DNAJC5G: variants seen among roughly 807,000 people sequenced by gnomAD.
DNAJC5G encodes the protein dnaJ homolog subfamily C member 5G.
In DNAJC5G, 13 loss-of-function variants were observed where a neutral mutation model predicts 19.1. The ratio of observed to expected loss-of-function variants is 0.68; its 90% CI spans 0.44 to 1.08. DNAJC5G has a LOEUF of 1.08. Among genes scored for constraint, DNAJC5G ranks in the 50% least tolerant of loss-of-function variants. The pLI is 0.00. For missense variants in DNAJC5G, 245 were observed against 230.4 expected, an observed-to-expected ratio of 1.06 and a Z score of -0.41; for synonymous variants, 81 against 84.4, an observed-to-expected ratio of 0.96 and a Z score of 0.22.
In DNAJC5G at chr2:27,280,221, G is replaced by A. The variant is rs1678309937; in HGVS notation, c.*6G>A. 2 of 1,613,980 alleles carry A rather than the reference G, an allele frequency of 1.2e-6. No individual in the cohort carries two copies. Among genetic ancestry groups the A allele is most frequent in the Non-Finnish European group, 1.7e-6 (2 of 1,179,932 alleles). Reference sequence around the variant, plus strand: ...ATAGCGAAGATGATTTTTAAGAGATGAAGAAGGATGAGGTATGTAAACCGA... The same window carrying A: ...ATAGCGAAGATGATTTTTAAGAGATAAAGAAGGATGAGGTATGTAAACCGA... On this transcript the variant is annotated 3_prime_UTR_variant, in exon 6 of 7. Coordinates refer to ENST00000296097, the MANE Select transcript of DNAJC5G (RefSeq NM_173650.3).
At chr2:27,280,287 A>G (rs1380985106) in intron 6 of DNAJC5G, 54 bp downstream of exon 6, 1 of 1,446,698 alleles carries the variant, frequency 6.9e-7, no homozygotes, top group African/African-American at 1.4e-5. Flanking sequence ...CATGTAAGCT[A>G]ACGTCAGATG....
rs1055916807 is a variant in DNAJC5G at position 27,277,356 on chromosome 2, G to A, written c.114-398G>A. Among the ~76,000 whole-genome samples, 33 of 151,922 alleles carry A rather than the reference G, an allele frequency of 2.2e-4. 1 individual carries two copies. Among genetic ancestry groups the A allele is most frequent in the East Asian group, 1.9e-4 (1 of 5,186 alleles). On this transcript the variant is annotated intron_variant, in intron 3 of 6. Coordinates refer to ENST00000296097, the MANE Select transcript of DNAJC5G (RefSeq NM_173650.3). Reference sequence around the variant, plus strand: ...CGGCTCACTGCAACCTCCACCTTCCGGGTTGAAGTGATTCTCCTGCCTCAG... The same window carrying A: ...CGGCTCACTGCAACCTCCACCTTCCAGGTTGAAGTGATTCTCCTGCCTCAG...
intron 3 of DNAJC5G, 81 bp downstream of exon 3, chr2:27,276,922 T>TA: frequency 3.7e-5 from 24 of 641,630 alleles, no homozygotes; most frequent in Non-Finnish European, 5.4e-5. Context: ...GCTATCTGAC[T>TA]CTTTTTTTTT....
At chr2:27,276,702 G>C in intron 2 of DNAJC5G, 24 bp from the exon 3 acceptor site, 1 of 1,606,788 alleles carries the variant, frequency 6.2e-7, no homozygotes, top group Non-Finnish European at 8.5e-7. Context: ...AGTTCTCACA[G>C]ATGCTGCTTC....
chr2:27,277,527 G>T (rs539855122), intron 3 of DNAJC5G, among the ~76,000 whole-genome samples: 1 of 152,152 alleles, frequency 6.6e-6, no homozygotes, highest in Non-Finnish European at 1.5e-5. Flanking sequence ...CTCCCAAAGC[G>T]CTGGGATTAC....
chr2:27,278,034 C>A lies in DNAJC5G; in HGVS notation c.375+19C>A. On this transcript the variant is annotated intron_variant, in intron 4 of 6. Coordinates refer to ENST00000296097, the MANE Select transcript of DNAJC5G (RefSeq NM_173650.3). ...GTTCAAGGTACACAATTCTCCAGGTCCTTTAAGAATAAGGAAAGAAGGGTG... is the reference window on the plus strand; with the variant it reads ...GTTCAAGGTACACAATTCTCCAGGTACTTTAAGAATAAGGAAAGAAGGGTG... 6.2e-7 allele frequency: 1 copy of A among 1,611,434 alleles called. No individual in the cohort carries two copies. Among genetic ancestry groups the A allele is most frequent in the South Asian group, 1.1e-5 (1 of 90,762 alleles).
chr2:27,281,087 T>C lies in DNAJC5G; in HGVS notation c.*677T>C, dbSNP rs924551735. On this transcript the variant is annotated 3_prime_UTR_variant, in exon 7 of 7. Coordinates refer to ENST00000296097, the MANE Select transcript of DNAJC5G (RefSeq NM_173650.3). ...TAGTCATTCCATCTTTAGATTATCC[T>C]TGGACTTCAGCTACCAGCACAGCAT... The C allele has an allele frequency of 5.3e-5, 8 of 152,374 alleles. No individual in the cohort carries two copies. The highest frequency in any genetic ancestry group is 1.9e-4 in the African/African-American group (8 of 41,462). The allele number at this position is 152,374 out of a possible 1,614,324, so 9.4% of individuals were successfully genotyped here.
chr2:27,277,528 C>T (rs1369245942), intron 3 of DNAJC5G, among the ~76,000 whole-genome samples: 2 of 152,214 alleles, frequency 1.3e-5, no homozygotes, highest in Non-Finnish European at 2.9e-5. Flanking sequence ...TCCCAAAGCG[C>T]TGGGATTACA....
intron 4 of DNAJC5G, 53 bp downstream of exon 4, chr2:27,278,068 T>C: frequency 6.2e-7 from 1 of 1,608,234 alleles, no homozygotes; most frequent in Non-Finnish European, 8.5e-7. Flanking sequence ...TGACCTTCCT[T>C]TCCTTATGAC....
chr2:27,279,104 A>G (rs1040680792), intron 5 of DNAJC5G, among the ~76,000 whole-genome samples: 2 of 152,146 alleles, frequency 1.3e-5, no homozygotes, highest in Non-Finnish European at 2.9e-5. Context: ...CAAGTCTTCA[A>G]GTCTGGCACT....
In DNAJC5G at chr2:27,277,854, G is replaced by A. The variant is rs1678180819; in HGVS notation, c.214G>A (p.Ala72Thr). The change falls in exon 4 of 7, where the codon GCA becomes ACA. Residue 72 changes from alanine to threonine, a missense_variant. By Grantham distance (58) the Ala-to-Thr change is moderately conservative (BLOSUM62 0). Transcript: ENST00000296097. ...PDKNPGNAQAAEIFKEINAAH... is the reference protein window; with the variant it reads ...PDKNPGNAQATEIFKEINAAH... ...CAAGAATCCAGGGAATGCTCAAGCA[G>A]CAGAAATATTCAAAGAGATCAACGC... The A allele has an allele frequency of 1.2e-6, 2 of 1,614,042 alleles. No individual in the cohort carries two copies. The highest frequency in any genetic ancestry group is 1.7e-6 in the Non-Finnish European group (2 of 1,180,048).
Position 27,277,659 on chromosome 2 carries a change from A to T in DNAJC5G, c.114-95A>T, listed in dbSNP as rs1345932611. Reference sequence around the variant, plus strand: ...GTATGGGAAGGAGTTTAGACCTTGGATGCTTGCCTCCATCCTTTGTACCAC... The same window carrying T: ...GTATGGGAAGGAGTTTAGACCTTGGTTGCTTGCCTCCATCCTTTGTACCAC... On this transcript the variant is annotated intron_variant, in intron 3 of 6. Transcript: ENST00000296097. 4 of 1,494,864 alleles carry T rather than the reference A, an allele frequency of 2.7e-6. No individual in the cohort carries two copies. In the Admixed American group the frequency reaches 7.1e-5, roughly 27 times the overall value. 92.6% of individuals were successfully genotyped at this position (1,494,864 alleles called of 1,614,324 possible).
chr2:27,276,141 C>G lies in DNAJC5G; in HGVS notation c.-250C>G, dbSNP rs1452430374. Reference sequence around the variant, plus strand: ...GGGCGTGGTGGCGTGCACCTGTAATCTCAGCTACTCGGGAGGCTGAGGCAG... The same window carrying G: ...GGGCGTGGTGGCGTGCACCTGTAATGTCAGCTACTCGGGAGGCTGAGGCAG... On this transcript the variant is annotated 5_prime_UTR_variant, in exon 2 of 7. In the 5' UTR this introduces an upstream ATG that the reference lacks. Coordinates refer to ENST00000296097, the MANE Select transcript of DNAJC5G (RefSeq NM_173650.3). 1.3e-5 allele frequency: 2 copies of G among 152,218 alleles called. No homozygotes were observed. The highest frequency in any genetic ancestry group is 2.9e-5 in the Non-Finnish European group (2 of 68,216). The allele number at this position is 152,218 out of a possible 1,614,324, so 9.4% of individuals were successfully genotyped here. A position where few individuals can be genotyped will look rare whatever the true frequency, so the allele number is the denominator to read the frequency against.
chr2:27,277,913 G>T lies in DNAJC5G; in HGVS notation c.273G>T (p.Arg91=). ...CCATACTGAGCGACTCTAAGAAGCGGAAAATTTACGACCAGCATGGCTCAT... is the reference window on the plus strand; with the variant it reads ...CCATACTGAGCGACTCTAAGAAGCGTAAAATTTACGACCAGCATGGCTCAT... The part of the protein sequence containing the change: ...AHAILSDSKK[R]KIYDQHGSLG... Residue 91 remains arginine (R), a synonymous_variant, in exon 4 of 7, where the codon CGG becomes CGT. Transcript: ENST00000296097. 6.2e-7 allele frequency: 1 copy of T among 1,614,186 alleles called. No individual in the cohort carries two copies. Among genetic ancestry groups the T allele is most frequent in the Non-Finnish European group, 8.5e-7 (1 of 1,180,050 alleles).
chr2:27,275,693 CT>C, intron 1 of DNAJC5G, 140 bp downstream of exon 1: 3 of 163,040 alleles, frequency 1.8e-5, no homozygotes, highest in Non-Finnish European at 4.1e-5. Context: ...GTTCCGCTGC[CT>C]TTTCCTTGCC....
chr2:27,279,464 ATT>A (rs1470405671), intron 5 of DNAJC5G, among the ~76,000 whole-genome samples: 1 of 151,990 alleles, frequency 6.6e-6, no homozygotes, highest in African/African-American at 2.4e-5. Context: ...TAGCTGGCTA[ATT>A]TTTTATTTTT....
In DNAJC5G at chr2:27,275,441, C is replaced by A. The variant is rs1189576642; in HGVS notation, c.-398C>A. ...GCGCCAAAAAACGACCTGCCCAGAC[C>A]CTCAGCGTCGACGCTGCGCACAAGC... On this transcript the variant is annotated 5_prime_UTR_variant, in exon 1 of 7. Coordinates refer to ENST00000296097, the MANE Select transcript of DNAJC5G (RefSeq NM_173650.3). 2 of 356,016 alleles carry A rather than the reference C, an allele frequency of 5.6e-6. No homozygotes were observed. The highest frequency in any genetic ancestry group is 1.1e-5 in the Non-Finnish European group (2 of 180,786). The allele number at this position is 356,016 out of a possible 1,614,324, so 22.1% of individuals were successfully genotyped here. A position where few individuals can be genotyped will look rare whatever the true frequency, so the allele number is the denominator to read the frequency against.
In DNAJC5G at chr2:27,276,182, C is replaced by G. The variant is rs1421329188; in HGVS notation, c.-209C>G. The G allele has an allele frequency of 6.6e-6, 1 of 151,880 alleles. No individual in the cohort carries two copies. Among genetic ancestry groups the G allele is most frequent in the Non-Finnish European group, 1.5e-5 (1 of 68,114 alleles). 9.4% of individuals were successfully genotyped at this position (151,880 alleles called of 1,614,324 possible). A position where few individuals can be genotyped will look rare whatever the true frequency, so the allele number is the denominator to read the frequency against. The stretch of plus-strand genomic sequence containing the variant: ...GCTGAGGCAGGAAAATCGCTTGCAC[C>G]CAGGAGGTGGAGGTTGCAGTGAGCC... On this transcript the variant is annotated 5_prime_UTR_variant, in exon 2 of 7. Transcript: ENST00000296097.
chr2:27,279,485 C>T (rs1004871790), intron 5 of DNAJC5G, among the ~76,000 whole-genome samples: 1 of 152,098 alleles, frequency 6.6e-6, no homozygotes, highest in Non-Finnish European at 1.5e-5. Flanking sequence ...TTAGTAGAGT[C>T]AGGGTTTCGC....
Sources: gnomAD v4.1 joint callset for allele counts (sites outside exome capture counted in the v4.1 genomes callset) on GRCh38, gnomAD v4.1.1 for gene constraint, MANE v1.5 for transcripts, NCBI Gene and HGNC (gene_info 2026-07-23, HGNC 2026-07-21) for gene names.